The following MTUS2 variants were observed in gnomAD, a reference collection of about 807,000 sequenced individuals.
MTUS2 encodes the protein microtubule-associated tumor suppressor candidate 2.
In MTUS2, 40 loss-of-function variants were observed where a neutral mutation model predicts 114.1. The ratio of observed to expected loss-of-function variants is 0.35; its 90% CI spans 0.27 to 0.46. The LOEUF is 0.46. Ranked by LOEUF, MTUS2 falls within the 20% of genes least tolerant of loss-of-function variation. The probability of loss-of-function intolerance (pLI) is 1.00; values close to 1 mark genes in which losing one functional copy is unlikely to be tolerated. For missense variants in MTUS2, 1,679 were observed against 1,705.4 expected (o/e 0.98, Z 0.27); for synonymous variants, 688 against 672.0 (o/e 1.02, Z -0.37).
rs567667091 is a variant in MTUS2, at chr13:28,970,039, C to A, written c.-242-54418C>A. Among the ~76,000 whole-genome samples, 5 of 152,310 alleles carry A rather than the reference C, an allele frequency of 3.3e-5. No homozygotes were observed. In the South Asian group the frequency reaches 1.0e-3, roughly 32 times the overall value. On this transcript the variant is annotated intron_variant, in intron 2 of 15. Coordinates refer to ENST00000612955, the MANE Select transcript of MTUS2 (RefSeq NM_001033602.4). ...AGGTGATTCGCCTGCCTTGGCCTCC[C>A]AAAGTGCGGGGATTACAGGTGTGAA...
At chr13:29,023,372 A>C (rs975280230) in intron 2 of MTUS2, among the ~76,000 whole-genome samples, 3 of 152,164 alleles carry the variant, frequency 2.0e-5, no homozygotes, top group African/African-American at 4.8e-5. Flanking sequence ...ACCTATAGAA[A>C]AGTTGCAGAT....
intron 5 of MTUS2, among the ~76,000 whole-genome samples, chr13:29,193,261 C>T (rs997996729): frequency 1.3e-4 from 20 of 151,814 alleles, no homozygotes; most frequent in African/African-American, 4.4e-4. Flanking sequence ...AGGGAGGACT[C>T]GAAAGGGGGA....
At chr13:29,036,167 T>G (rs35203666) in intron 4 of MTUS2, among the ~76,000 whole-genome samples, 131,275 of 139,480 alleles carry the variant, frequency 0.94, 61,832 homozygotes, top group South Asian at 0.96. Flanking sequence ...GAAAGAAAAA[T>G]AAAAGAAAAA....
chr13:29,505,276 C>G lies in MTUS2; in HGVS notation c.*2070C>G. 4.3e-6 allele frequency: 1 copy of G among 231,532 alleles called. No homozygotes were observed. Among genetic ancestry groups the G allele is most frequent in the Non-Finnish European group, 8.6e-6 (1 of 116,714 alleles). The allele number at this position is 231,532 out of a possible 1,614,324, so 14.3% of individuals were successfully genotyped here. On this transcript the variant is annotated 3_prime_UTR_variant, in exon 16 of 16. Coordinates refer to ENST00000612955, the MANE Select transcript of MTUS2 (RefSeq NM_001033602.4). The stretch of plus-strand genomic sequence containing the variant: ...GCACCTGCTAAATGCAGTTACACAG[C>G]AATACTGACTTCCGTGTGATGCTAG...
intron 5 of MTUS2, among the ~76,000 whole-genome samples, chr13:29,228,289 G>A (rs191358283): frequency 2.8e-4 from 43 of 152,298 alleles, no homozygotes; most frequent in African/African-American, 8.9e-4. Flanking sequence ...AGGGATTCCC[G>A]TGAGTAAAGT....
chr13:29,446,693 A>G (rs1318654386), intron 9 of MTUS2, among the ~76,000 whole-genome samples: 2 of 152,210 alleles, frequency 1.3e-5, no homozygotes, highest in East Asian at 3.8e-4. Flanking sequence ...TGTATCTGTA[A>G]TGCAAAACGT....
In MTUS2 at chr13:29,024,761, A is replaced by C; in HGVS notation, c.63A>C (p.Ala21=). Residue 21 remains alanine, a synonymous_variant, in exon 3 of 16, where the codon GCA becomes GCC. Coordinates refer to ENST00000612955, the MANE Select transcript of MTUS2 (RefSeq NM_001033602.4). Reference sequence around the variant, plus strand: ...CTCAGTTGCGGGACAACAGAAATGCAGCAAGAAATAATAATGAAAGCATCT... The same window carrying C: ...CTCAGTTGCGGGACAACAGAAATGCCGCAAGAAATAATAATGAAAGCATCT... The part of the protein sequence containing the change: ...CYTQLRDNRN[A]ARNNNESILS... 1.2e-6 allele frequency: 2 copies of C among 1,614,052 alleles called. No individual in the cohort carries two copies. Among genetic ancestry groups the C allele is most frequent in the East Asian group, 4.5e-5 (2 of 44,884 alleles).
At chr13:28,992,298 C>T (rs74041688) in intron 2 of MTUS2, among the ~76,000 whole-genome samples, 2,687 of 152,320 alleles carry the variant, frequency 0.018, 82 homozygotes, top group African/African-American at 0.061. Flanking sequence ...AGAAGAAAGA[C>T]ATTGCTATTT....
At chr13:29,481,138 A>G (rs186761846) in intron 10 of MTUS2, among the ~76,000 whole-genome samples, 17 of 152,150 alleles carry the variant, frequency 1.1e-4, no homozygotes, top group African/African-American at 4.1e-4. Flanking sequence ...GTACCACACA[A>G]TATCCATTTG....
intron 2 of MTUS2, among the ~76,000 whole-genome samples, chr13:29,005,658 A>G (rs1469302432): frequency 6.6e-6 from 1 of 151,812 alleles, no homozygotes; most frequent in Non-Finnish European, 1.5e-5. Context: ...GAAGCAGGGA[A>G]CTCTGTACTG....
intron 8 of MTUS2, among the ~76,000 whole-genome samples, chr13:29,366,403 A>G (rs2138270264): frequency 6.6e-6 from 1 of 152,224 alleles, no homozygotes. Flanking sequence ...CCCTCCCATA[A>G]CATGTGGGAA....
intron 2 of MTUS2, among the ~76,000 whole-genome samples, chr13:28,935,183 C>T (rs1488756411): frequency 1.3e-5 from 2 of 152,036 alleles, no homozygotes; most frequent in Admixed American, 1.3e-4. Flanking sequence ...GAATAGCCCA[C>T]ACTTTATCCA....
intron 8 of MTUS2, among the ~76,000 whole-genome samples, chr13:29,359,870 C>G (rs932358196): frequency 6.6e-6 from 1 of 152,118 alleles, no homozygotes; most frequent in African/African-American, 2.4e-5. Context: ...GGAGACAGGG[C>G]CCCAGTACCG....
chr13:29,379,794 A>T (rs1872063346), intron 8 of MTUS2, among the ~76,000 whole-genome samples: 1 of 152,172 alleles, frequency 6.6e-6, no homozygotes, highest in Non-Finnish European at 1.5e-5. Context: ...ATGGCATTTT[A>T]CTCTTTACCT....
intron 2 of MTUS2, among the ~76,000 whole-genome samples, chr13:28,946,303 G>A (rs536847369): frequency 0.061 from 9,051 of 148,514 alleles, 916 homozygotes; most frequent in African/African-American, 0.22. Context: ...GTGTGTGTGT[G>A]TGCGCGCGCA....
At chr13:29,038,947 A>T (rs745786934) in intron 4 of MTUS2, among the ~76,000 whole-genome samples, 1 of 152,180 alleles carries the variant, frequency 6.6e-6, no homozygotes, top group Admixed American at 6.5e-5. Flanking sequence ...CAAAGCCACC[A>T]CTTCATGTAG....
chr13:29,332,095 C>CTG (rs1441092119), intron 7 of MTUS2, among the ~76,000 whole-genome samples: 1 of 152,096 alleles, frequency 6.6e-6, no homozygotes, highest in Admixed American at 6.5e-5. Flanking sequence ...GGGAGGAGTC[C>CTG]TTCTTTTTCT....
intron 2 of MTUS2, among the ~76,000 whole-genome samples, chr13:28,971,054 A>AT (rs1254051000): frequency 1.3e-5 from 2 of 152,186 alleles, no homozygotes; most frequent in African/African-American, 2.4e-5. Context: ...GTTGCTCACA[A>AT]ATCAGTATTA....
At chr13:29,095,233 T>C (rs762276694) in intron 4 of MTUS2, among the ~76,000 whole-genome samples, 10 of 152,160 alleles carry the variant, frequency 6.6e-5, no homozygotes, top group Non-Finnish European at 1.2e-4. Context: ...TGTTCTATTA[T>C]TGAAAGTGAG....
Sources: gnomAD v4.1 joint callset for allele counts (sites outside exome capture counted in the v4.1 genomes callset) on GRCh38, gnomAD v4.1.1 for gene constraint, MANE v1.5 for transcripts, NCBI Gene and HGNC (gene_info 2026-07-23, HGNC 2026-07-21) for gene names.